NEB: variants seen among roughly 807,000 people sequenced by gnomAD.
NEB encodes the protein nemaline myopathy type 2.
NEB carries 512 observed loss-of-function variants against 952.2 expected under a neutral mutation model. That is an observed-to-expected ratio of 0.54 (90% CI 0.50 to 0.58). NEB has a LOEUF of 0.58. Among genes scored for constraint, NEB ranks in the 20% least tolerant of loss-of-function variants. The pLI, the probability that NEB is intolerant of heterozygous loss-of-function variation, is 0.00. For missense variants in NEB, 8,428 were observed against 9,231.1 expected (o/e 0.91, Z 3.56); for synonymous variants, 2,900 against 3,149.8 (o/e 0.92, Z 2.66).
rs1176788819 is a variant in NEB, at chr2:151,696,741, G to A, written c.1471-6C>T. 1 of 1,610,046 alleles carries A rather than the reference G, an allele frequency of 6.2e-7. No homozygotes were observed. Among genetic ancestry groups the A allele is most frequent in the Non-Finnish European group, 8.5e-7 (1 of 1,176,534 alleles). On this transcript the variant is annotated splice_region_variant and splice_polypyrimidine_tract_variant and intron_variant, in intron 16 of 181. Coordinates refer to ENST00000397345, the MANE Select transcript of NEB (RefSeq NM_001164508.2). ...GGATGGACTTTGTAGGTGTGCTGTG[G>A]GGAAGCAAAGGCATTTGGTTTAGTA...
intron 3 of NEB, 40 bp downstream of exon 3, chr2:151,733,081 T>G: frequency 6.4e-7 from 1 of 1,564,880 alleles, no homozygotes; most frequent in Non-Finnish European, 8.7e-7. Context: ...TGTCACTACA[T>G]AAAATAGTTT....
At chr2:151,672,036 A>T (rs753503996) in intron 37 of NEB, among the ~76,000 whole-genome samples, 1 of 152,052 alleles carries the variant, frequency 6.6e-6, no homozygotes, top group South Asian at 2.1e-4. Context: ...AAATTCTTCT[A>T]TTTTTGCATT....
intron 9 of NEB, among the ~76,000 whole-genome samples, chr2:151,718,280 A>G (rs2099764943): frequency 6.6e-6 from 1 of 152,230 alleles, no homozygotes; most frequent in Non-Finnish European, 1.5e-5. Context: ...CAGGGCAGGG[A>G]GACTCTGAAC....
chr2:151,537,300 C>G, intron 140 of NEB, 64 bp from the exon 141 acceptor site: 1 of 921,910 alleles, frequency 1.1e-6, no homozygotes, highest in Non-Finnish European at 1.8e-6. Context: ...AAGTTAGTAT[C>G]TATACAAGTG....
At chr2:151,527,101 G>A (rs2086658229) in intron 147 of NEB, 79 bp from the exon 148 acceptor site, 3 of 925,292 alleles carry the variant, frequency 3.2e-6, no homozygotes, top group African/African-American at 1.6e-5. Context: ...AACACACAGG[G>A]AGTCCTCTTA....
chr2:151,498,385 AG>A (rs1559231458), intron 169 of NEB, 33 bp from the exon 170 acceptor site: 5 of 1,463,444 alleles, frequency 3.4e-6, no homozygotes, highest in Non-Finnish European at 9.3e-7. Context: ...GAACAAAAAA[AG>A]CAATCAATCA....
intron 39 of NEB, among the ~76,000 whole-genome samples, chr2:151,668,523 G>A (rs529844343): frequency 1.3e-5 from 2 of 151,954 alleles, no homozygotes; most frequent in Non-Finnish European, 2.9e-5. Context: ...TTTTAAATTA[G>A]GATTTATCAA....
chr2:151,680,538 G>A (rs976130244), intron 30 of NEB, among the ~76,000 whole-genome samples, 192 bp downstream of exon 30: 3 of 152,120 alleles, frequency 2.0e-5, no homozygotes, highest in Non-Finnish European at 2.9e-5. Context: ...AGGACAGTCA[G>A]CACAATATAC....
chr2:151,553,618 A>G (rs2095463191), intron 126 of NEB, 116 bp from the exon 127 acceptor site: 1 of 875,860 alleles, frequency 1.1e-6, no homozygotes, highest in Non-Finnish European at 1.8e-6. Context: ...GAGCAAAGGC[A>G]TTATGCAAAG....
intron 181 of NEB, 41 bp downstream of exon 181, chr2:151,489,930 A>C (rs2054821213): frequency 6.8e-7 from 1 of 1,478,242 alleles, no homozygotes; most frequent in Non-Finnish European, 9.5e-7. Context: ...ACATATCAAA[A>C]ATTAAGAATA....
At chr2:151,630,202 C>T (rs892868285) in intron 67 of NEB, among the ~76,000 whole-genome samples, 2 of 151,880 alleles carry the variant, frequency 1.3e-5, no homozygotes, top group Non-Finnish European at 2.9e-5. Flanking sequence ...ATTAATAAAC[C>T]ACGTGTCTAT....
intron 74 of NEB, 33 bp from the exon 75 acceptor site, chr2:151,617,501 G>T: frequency 1.5e-6 from 2 of 1,291,668 alleles, no homozygotes; most frequent in South Asian, 1.4e-5. Context: ...GAGAGAGAGA[G>T]AGAAAAATTA....
Position 151,656,249 on chromosome 2 carries a change from G to C in NEB, c.6399C>G (p.Thr2133=), listed in dbSNP as rs2099084722. 1.2e-6 allele frequency: 2 copies of C among 1,613,410 alleles called. No homozygotes were observed. The highest frequency in any genetic ancestry group is 1.7e-6 in the Non-Finnish European group (2 of 1,179,664). Residue 2133 remains threonine (T), a synonymous_variant, in exon 49 of 182, where the codon ACC becomes ACG. Coordinates refer to ENST00000397345, the MANE Select transcript of NEB (RefSeq NM_001164508.2). The stretch of plus-strand genomic sequence containing the variant: ...GAATCAGGTGCTTGTAGTTAGTGTT[G>C]GTGATGTTGGCTTGGGCATCCTTTG... ...TAAKDAQANI[T]NTNYKHLIHK...
rs114076205 is a variant in NEB at position 151,684,781 on chromosome 2, G to A, written c.2832C>T (p.Ser944=). Residue 944 remains serine (S), a synonymous_variant, in exon 28 of 182, where the codon AGC becomes AGT. Transcript: ENST00000397345. ...TACAGAAACCCTGGTTACTCACATC[G>A]CTCTGCAGCGCATATGCCTTCTTGG... ...DLAKKAYALQ[S]DVEYKADYNS... The A allele has an allele frequency of 0.01, 16,168 of 1,587,170 alleles. 96 individuals carry two copies. The highest frequency in any genetic ancestry group is 0.014 in the Middle Eastern group (83 of 5,944).
Position 151,551,840 on chromosome 2 carries a change from G to A in NEB, c.19842C>T (p.Val6614=). The change falls in exon 129 of 182, where the codon GTC becomes GTT. Residue 6614 remains valine, a synonymous_variant. Coordinates refer to ENST00000397345, the MANE Select transcript of NEB (RefSeq NM_001164508.2). The stretch of plus-strand genomic sequence containing the variant: ...CACTGTGCACATAGTCATAGTGGTA[G>A]ACAGCCTGGTGCAGAAAGAAGCATT... ...VKSGKQLSDA[V]YHYDYVHSVR... is the part of the protein sequence containing the mutation. 6.2e-7 allele frequency: 1 copy of A among 1,609,672 alleles called. No homozygotes were observed. The highest frequency in any genetic ancestry group is 1.1e-5 in the South Asian group (1 of 90,266).
At chr2:151,621,447 C>A (rs968914879) in intron 71 of NEB, among the ~76,000 whole-genome samples, 3 of 152,160 alleles carry the variant, frequency 2.0e-5, no homozygotes, top group Non-Finnish European at 2.9e-5. Context: ...TGTCCATAAT[C>A]AAATTTAGTG....
rs2068726549 is a variant in NEB, at chr2:151,506,187, T to G, written c.23628A>C (p.Gln7876His). ...GKTPEMMRVK[Q>H]TQDHISSVKY... ...TTACCGAGCTAATGTGGTCCTGTGT[T>G]TGTTTCACTCTCATCATCTCAGGTG... Residue 7876 changes from glutamine (Q) to histidine (H), a missense_variant, in exon 164 of 182, where the codon CAA becomes CAC. Coordinates refer to ENST00000397345, the MANE Select transcript of NEB (RefSeq NM_001164508.2). The G allele has an allele frequency of 6.2e-7, 1 of 1,613,006 alleles. No homozygotes were observed. The highest frequency in any genetic ancestry group is 8.5e-7 in the Non-Finnish European group (1 of 1,179,052).
chr2:151,677,833 T>C lies in NEB; in HGVS notation c.3567+43A>G. The C allele has an allele frequency of 3.1e-6, 5 of 1,608,882 alleles. 1 individual carries two copies. The South Asian group carries it at 4.4e-5, about 14-fold the overall frequency. On this transcript the variant is annotated intron_variant, in intron 33 of 181. Coordinates refer to ENST00000397345, the MANE Select transcript of NEB (RefSeq NM_001164508.2). ...ACAGGGTTCTTTTCATGGCAGGCTCTGAACTTAATAGGGGGGTTTCTTGAG... is the reference window on the plus strand; with the variant it reads ...ACAGGGTTCTTTTCATGGCAGGCTCCGAACTTAATAGGGGGGTTTCTTGAG...
At chr2:151,559,964 C>T (rs1359169391) in intron 124 of NEB, among the ~76,000 whole-genome samples, 9 of 151,834 alleles carry the variant, frequency 5.9e-5, no homozygotes, top group Non-Finnish European at 1.3e-4. Context: ...CACACACACG[C>T]AAAAAGGTTT....
Sources: allele counts gnomAD v4.1 joint callset (sites outside exome capture counted in the v4.1 genomes callset), GRCh38; gene constraint gnomAD v4.1.1; transcripts MANE v1.5; gene names NCBI Gene and HGNC (gene_info 2026-07-23, HGNC 2026-07-21).